Variants in SLC28A3 observed in about 807,000 individuals in gnomAD.
The protein encoded by SLC28A3 is solute carrier family 28 member 3.
SLC28A3 carries 68 observed loss-of-function variants against 84.2 expected under a neutral mutation model. The ratio of observed to expected loss-of-function variants is 0.81; its 90% CI spans 0.66 to 0.99. The LOEUF (loss-of-function observed/expected upper bound fraction) is 0.99, where lower values mean the gene tolerates loss of function less well. Ranked by LOEUF, SLC28A3 falls within the 50% of genes least tolerant of loss-of-function variation. The pLI, the probability that SLC28A3 is intolerant of heterozygous loss-of-function variation, is 0.00. For missense variants in SLC28A3, 712 were observed against 841.5 expected, an observed-to-expected ratio of 0.85 and a Z score of 1.90; for synonymous variants, 267 against 303.6, an observed-to-expected ratio of 0.88 and a Z score of 1.25.
chr9:84,327,224 T>C (rs1261712040), intron 1 of SLC28A3, among the ~76,000 whole-genome samples: 1 of 152,124 alleles, frequency 6.6e-6, no homozygotes, highest in African/African-American at 2.4e-5. Flanking sequence ...TAAAAGGCAG[T>C]AGTGATGGCT....
At chr9:84,361,016 G>A in the SLC28A3 span, among the ~76,000 whole-genome samples, 2 of 152,192 alleles carry the variant, frequency 1.3e-5, no homozygotes, top group Middle Eastern at 3.4e-3. Context: ...TGAGCTGATT[G>A]TCAACAATTA....
At chr9:84,364,120 CTTTTTTTTTTT>C in the SLC28A3 span, among the ~76,000 whole-genome samples, 1 of 85,294 alleles carries the variant, frequency 1.2e-5, no homozygotes, top group African/African-American at 5.3e-5. Context: ...CAGTTACACT[CTTTTTTTTTTT>C]TTTTTTTTTT....
intron 11 of SLC28A3, 139 bp from the exon 12 acceptor site, chr9:84,288,317 T>A: frequency 7.9e-7 from 1 of 1,260,204 alleles, no homozygotes; most frequent in Non-Finnish European, 1.1e-6. Flanking sequence ...TTTGGAGGTC[T>A]GGAAGAGCCA....
At chr9:84,297,827 C>T (rs1277425436) in intron 7 of SLC28A3, 79 bp downstream of exon 7, 3 of 1,174,754 alleles carry the variant, frequency 2.6e-6, no homozygotes, top group Non-Finnish European at 3.7e-6. Flanking sequence ...CAGATAAACC[C>T]ATTTCTGACA....
intron 2 of SLC28A3, among the ~76,000 whole-genome samples, chr9:84,310,799 G>C (rs753290961): frequency 7.2e-5 from 11 of 152,164 alleles, no homozygotes; most frequent in Non-Finnish European, 1.6e-4. Context: ...GGAAGGGCTG[G>C]AGTTGAGTCT....
intron 10 of SLC28A3, 179 bp downstream of exon 10, chr9:84,292,463 GTCTCTCTCTCTGTCTCTCTCTCTCTC>G: frequency 2.0e-6 from 1 of 500,300 alleles, no homozygotes; most frequent in South Asian, 2.8e-5. Context: ...CTGTCTCTCT[GTCTCTCTCTCTGTCTCTCTCTCTCTC>G]TCTCTCTGTC....
chr9:84,320,145 G>T (rs1826327656), intron 1 of SLC28A3, among the ~76,000 whole-genome samples: 4 of 143,312 alleles, frequency 2.8e-5, no homozygotes. Context: ...AACCTCCCGG[G>T]TTCAAGTGAT....
At chr9:84,289,246 C>A (rs1825116829) in intron 11 of SLC28A3, among the ~76,000 whole-genome samples, 2 of 152,192 alleles carry the variant, frequency 1.3e-5, no homozygotes, top group Non-Finnish European at 2.9e-5. Flanking sequence ...TTTCTTCTTG[C>A]CTCTTCCTAC....
At position 84,313,885 on chromosome 9, in the gene SLC28A3, AAAG is replaced by A. The variant is rs1826077578; in HGVS notation, c.61-434_61-432del. 1.6e-4 allele frequency among the ~76,000 whole-genome samples: 24 copies of A among 150,774 alleles called. No individual in the cohort carries two copies. The South Asian group carries it at 4.8e-3, about 30-fold the overall frequency. ...CTCTACCTGAAAAAAAAAAAAAAGA[AAAG>A]AAAAGAAAGTAAAGAAAAGAAACAT... On this transcript the variant is annotated intron_variant, in intron 1 of 17. Coordinates refer to ENST00000376238, the MANE Select transcript of SLC28A3 (RefSeq NM_001199633.2).
At chr9:84,280,381 T>G (rs1824700988) in intron 15 of SLC28A3, among the ~76,000 whole-genome samples, 1 of 151,810 alleles carries the variant, frequency 6.6e-6, no homozygotes, top group Non-Finnish European at 1.5e-5. Context: ...GGCAAAAGAG[T>G]GGCAGGAGGC....
At chr9:84,362,039 A>C in the SLC28A3 span, among the ~76,000 whole-genome samples, 1 of 152,214 alleles carries the variant, frequency 6.6e-6, no homozygotes, top group Non-Finnish European at 1.5e-5. Flanking sequence ...TAATTAAAAG[A>C]ACCAAATTGA....
intron 5 of SLC28A3, among the ~76,000 whole-genome samples, chr9:84,301,350 A>AAAG (rs1491125901): frequency 8.7e-6 from 1 of 115,562 alleles, no homozygotes; most frequent in Non-Finnish European, 1.7e-5. Context: ...ACTCTGTCTC[A>AAAG]AAAAAAAAAA....
intron 1 of SLC28A3, among the ~76,000 whole-genome samples, chr9:84,316,798 C>T (rs986107695): frequency 1.3e-5 from 2 of 151,932 alleles, no homozygotes; most frequent in Non-Finnish European, 2.9e-5. Flanking sequence ...GTCAGGTGTT[C>T]GAGACCAGCC....
At chr9:84,329,904 G>A (rs1338138311) in intron 1 of SLC28A3, among the ~76,000 whole-genome samples, 2 of 151,360 alleles carry the variant, frequency 1.3e-5, no homozygotes, top group East Asian at 1.9e-4. Flanking sequence ...GAAAATATAC[G>A]AAAATTTATG....
intron 15 of SLC28A3, 82 bp from the exon 16 acceptor site, chr9:84,280,155 CTGGG>C: frequency 7.5e-7 from 1 of 1,329,812 alleles, no homozygotes; most frequent in Non-Finnish European, 1.0e-6. Context: ...TGTTCTGAGG[CTGGG>C]CTCAGGTCAG....
In SLC28A3 at chr9:84,294,195, C is replaced by G. The variant is rs774381992; in HGVS notation, c.942G>C (p.Lys314Asn). 1 of 1,613,928 alleles carries G rather than the reference C, an allele frequency of 6.2e-7. No individual in the cohort carries two copies. Among genetic ancestry groups the G allele is most frequent in the African/African-American group, 1.3e-5 (1 of 75,038 alleles). The change falls in exon 9 of 18, where the codon AAG becomes AAC. Residue 314 changes from lysine to asparagine, a missense_variant and splice_region_variant. Transcript: ENST00000376238. ...ACCCAGTCCCTCCCAGCCCCAGTAC[C>G]TTTCTAATAATCCACTGCATCAGTC... ...YLGLMQWIIRKVGWIMLVTTG... is the reference protein window; with the variant it reads ...YLGLMQWIIRNVGWIMLVTTG...
At position 84,306,241 on chromosome 9, in the gene SLC28A3, G is replaced by C. The variant is rs569178199; in HGVS notation, c.243-896C>G. On this transcript the variant is annotated intron_variant, in intron 3 of 17. Transcript: ENST00000376238. Reference sequence around the variant, plus strand: ...GCCACGGGATAGCACTTCTAAAAATGACCATTTCTCCTCCCGTATAGATGA... The same window carrying C: ...GCCACGGGATAGCACTTCTAAAAATCACCATTTCTCCTCCCGTATAGATGA... Among the ~76,000 whole-genome samples the C allele has an allele frequency of 2.0e-5, 3 of 152,202 alleles. No individual in the cohort carries two copies. The East Asian group carries it at 5.8e-4, about 29-fold the overall frequency.
In SLC28A3 at chr9:84,324,802, G is replaced by A. The variant is rs75300532; in HGVS notation, c.61-11348C>T. ...ACCTTTGGTATTCTGTCAAAGTTGAGCAGGTCAGGAGAGTAAGGCAACTGG... is the reference window on the plus strand; with the variant it reads ...ACCTTTGGTATTCTGTCAAAGTTGAACAGGTCAGGAGAGTAAGGCAACTGG... On this transcript the variant is annotated intron_variant, in intron 1 of 17. Transcript: ENST00000376238. 5.1e-3 allele frequency among the ~76,000 whole-genome samples: 780 copies of A among 152,278 alleles called. 11 individuals are homozygous for A. Among genetic ancestry groups the A allele is most frequent in the African/African-American group, 0.018 (730 of 41,554 alleles).
chr9:84,349,042 T>C, the SLC28A3 span, among the ~76,000 whole-genome samples: 1 of 152,010 alleles, frequency 6.6e-6, no homozygotes, highest in African/African-American at 2.4e-5. Flanking sequence ...CCAAACAGGC[T>C]TTGTGTGAGC....
Sources: allele counts gnomAD v4.1 joint callset (sites outside exome capture counted in the v4.1 genomes callset), GRCh38; gene constraint gnomAD v4.1.1; transcripts MANE v1.5; gene names NCBI Gene and HGNC (gene_info 2026-07-23, HGNC 2026-07-21).